The following MAP2K6 variants were observed in gnomAD, a reference collection of about 807,000 sequenced individuals.
The protein encoded by MAP2K6 is mitogen-activated protein kinase kinase 6, also known as dual specificity mitogen-activated protein kinase kinase 6.
In MAP2K6, 16 loss-of-function variants were observed where a neutral mutation model predicts 53.7. The ratio of observed to expected loss-of-function variants is 0.30; its 90% CI spans 0.20 to 0.45. The LOEUF is 0.45. Among genes scored for constraint, MAP2K6 ranks in the 20% least tolerant of loss-of-function variants. The pLI, the probability that MAP2K6 is intolerant of heterozygous loss-of-function variation, is 1.00. For synonymous variants in MAP2K6, 132 were observed against 143.1 expected, an observed-to-expected ratio of 0.92 and a Z score of 0.55; for missense variants, 204 against 411.9, an observed-to-expected ratio of 0.50 and a Z score of 4.37.
At chr17:69,492,443 C>T (rs1175465590) in intron 1 of MAP2K6, among the ~76,000 whole-genome samples, 1 of 152,118 alleles carries the variant, frequency 6.6e-6, no homozygotes, top group Non-Finnish European at 1.5e-5. Flanking sequence ...TCCACTTTGT[C>T]GAAGATCAGA....
In MAP2K6 at chr17:69,548,972, TGTA is replaced by T. The variant is rs1911989884; in HGVS notation, c.*7224_*7226del. ...AGCAGAAACATAAAGTAAAAAATTTTGTAGTAGGGAATTTTTGTTGGTAAGAAA... is the reference window on the plus strand; with the variant it reads ...AGCAGAAACATAAAGTAAAAAATTTTGTAGGGAATTTTTGTTGGTAAGAAA... On this transcript the variant is annotated 3_prime_UTR_variant, in exon 12 of 12. Coordinates refer to ENST00000590474, the MANE Select transcript of MAP2K6 (RefSeq NM_002758.4). 1 of 152,164 alleles carries T rather than the reference TGTA, an allele frequency of 6.6e-6. No individual in the cohort carries two copies. The highest frequency in any genetic ancestry group is 2.4e-5 in the African/African-American group (1 of 41,440). The allele number at this position is 152,164 out of a possible 1,614,324, so 9.4% of individuals were successfully genotyped here. A position where few individuals can be genotyped will look rare whatever the true frequency, so the allele number is the denominator to read the frequency against.
intron 1 of MAP2K6, 57 bp from the exon 2 acceptor site, chr17:69,505,723 C>A: frequency 7.2e-7 from 1 of 1,397,434 alleles, no homozygotes; most frequent in Non-Finnish European, 1.0e-6. Context: ...CAGTCTCTTT[C>A]TCTGCTATCT....
At chr17:69,538,420 A>G (rs1255064539) in intron 11 of MAP2K6, among the ~76,000 whole-genome samples, 2 of 152,170 alleles carry the variant, frequency 1.3e-5, no homozygotes, top group African/African-American at 4.8e-5. Context: ...TTTTCTTCTT[A>G]CAGCATTAGT....
intron 1 of MAP2K6, among the ~76,000 whole-genome samples, chr17:69,487,239 C>T (rs1908575273): frequency 6.6e-6 from 1 of 152,138 alleles, no homozygotes; most frequent in African/African-American, 2.4e-5. Context: ...GTAATTTCAG[C>T]TGAAGGACTA....
At chr17:69,470,234 A>G (rs1907943208) in intron 1 of MAP2K6, among the ~76,000 whole-genome samples, 1 of 152,196 alleles carries the variant, frequency 6.6e-6, no homozygotes, top group African/African-American at 2.4e-5. Flanking sequence ...GAAACAATGT[A>G]GTGTGTAGAC....
intron 1 of MAP2K6, among the ~76,000 whole-genome samples, chr17:69,441,276 T>A (rs910210016): frequency 2.6e-5 from 4 of 152,216 alleles, no homozygotes; most frequent in African/African-American, 7.2e-5. Context: ...AAATGTTATA[T>A]CTGTTGTTAT....
At chr17:69,424,791 T>C (rs1906214328) in intron 1 of MAP2K6, among the ~76,000 whole-genome samples, 1 of 152,220 alleles carries the variant, frequency 6.6e-6, no homozygotes, top group East Asian at 1.9e-4. Flanking sequence ...TGTCCCTTTA[T>C]ATGTCTTTTG....
chr17:69,480,788 A>T (rs1548441), intron 1 of MAP2K6, among the ~76,000 whole-genome samples: 77,122 of 151,646 alleles, frequency 0.51, 20,701 homozygotes, highest in African/African-American at 0.68. Context: ...AAAGTTTTTT[A>T]AAAAATTTTA....
intron 1 of MAP2K6, chr17:69,502,294 T>G (rs950630024): frequency 4.1e-6 from 4 of 985,308 alleles, no homozygotes; most frequent in Non-Finnish European, 4.8e-6. Context: ...GTGTGGTCTT[T>G]GGAGCTAAGT....
intron 7 of MAP2K6, chr17:69,521,815 A>AAC (rs1910491500): frequency 2.1e-5 from 3 of 143,890 alleles, no homozygotes; most frequent in African/African-American, 8.1e-5. Flanking sequence ...ACAAAAAAAA[A>AAC]AAAAAAAAAA....
At position 69,545,558 on chromosome 17, in the gene MAP2K6, C is replaced by G. The variant is rs1236181236; in HGVS notation, c.*3805C>G. 6.6e-6 allele frequency: 1 copy of G among 152,160 alleles called. No individual in the cohort carries two copies. The highest frequency in any genetic ancestry group is 2.4e-5 in the African/African-American group (1 of 41,434). The allele number at this position is 152,160 out of a possible 1,614,324, so 9.4% of individuals were successfully genotyped here. On this transcript the variant is annotated 3_prime_UTR_variant, in exon 12 of 12. Transcript: ENST00000590474. ...AAAAAATTGTATGTGCCAGAGATTC[C>G]TAAACTTTCTGTGTTCAGGGTGCCA...
chr17:69,551,955 A>C lies in MAP2K6; in HGVS notation c.*10202A>C, dbSNP rs1244819026. 1 of 152,226 alleles carries C rather than the reference A, an allele frequency of 6.6e-6. No homozygotes were observed. The highest frequency in any genetic ancestry group is 6.5e-5 in the Admixed American group (1 of 15,282). The allele number at this position is 152,226 out of a possible 1,614,324, so 9.4% of individuals were successfully genotyped here. A position where few individuals can be genotyped will look rare whatever the true frequency, so the allele number is the denominator to read the frequency against. On this transcript the variant is annotated 3_prime_UTR_variant, in exon 12 of 12. Coordinates refer to ENST00000590474, the MANE Select transcript of MAP2K6 (RefSeq NM_002758.4). ...TTTCTTTATGGAATTGAACTTTACA[A>C]GAATTTTAATAAAAGAGGTGGATTT...
intron 5 of MAP2K6, chr17:69,519,779 G>A: frequency 4.0e-6 from 1 of 247,932 alleles, no homozygotes; most frequent in South Asian, 6.0e-5. Context: ...GCTTCATCTA[G>A]CCTACTTGTG....
intron 10 of MAP2K6, among the ~76,000 whole-genome samples, chr17:69,534,847 G>A (rs1313903683): frequency 6.6e-6 from 1 of 151,956 alleles, no homozygotes; most frequent in South Asian, 2.1e-4. Context: ...ATGATTTTGT[G>A]GTCCGTTGGG....
chr17:69,522,546 G>A (rs1910533016), intron 7 of MAP2K6, among the ~76,000 whole-genome samples: 1 of 152,012 alleles, frequency 6.6e-6, no homozygotes. Flanking sequence ...AAAATTAGCT[G>A]TAATTTCAAA....
At chr17:69,511,074 A>G (rs375458088) in intron 2 of MAP2K6, among the ~76,000 whole-genome samples, 2 of 152,116 alleles carry the variant, frequency 1.3e-5, no homozygotes, top group Admixed American at 1.3e-4. Flanking sequence ...CATAAATTAT[A>G]TGTTAATTTT....
intron 1 of MAP2K6, among the ~76,000 whole-genome samples, chr17:69,466,303 GAAAAGAAA>G (rs1907805950): frequency 6.8e-6 from 1 of 147,208 alleles, no homozygotes; most frequent in African/African-American, 2.5e-5. Flanking sequence ...AAAAAAAAAA[GAAAAGAAA>G]AAAAGAAATA....
rs977530847 is a variant in MAP2K6, at chr17:69,546,683, A to C, written c.*4930A>C. On this transcript the variant is annotated 3_prime_UTR_variant, in exon 12 of 12. Coordinates refer to ENST00000590474, the MANE Select transcript of MAP2K6 (RefSeq NM_002758.4). ...TTTATATATTTACAAAATTTATTGG[A>C]GCTGGTAGTCAGATCTAGTAAAATG... The C allele has an allele frequency of 6.6e-6, 1 of 152,108 alleles. No homozygotes were observed. The highest frequency in any genetic ancestry group is 2.4e-5 in the African/African-American group (1 of 41,418). The allele number at this position is 152,108 out of a possible 1,614,324, so 9.4% of individuals were successfully genotyped here. A position where few individuals can be genotyped will look rare whatever the true frequency, so the allele number is the denominator to read the frequency against.
At chr17:69,437,961 A>G (rs953583204) in intron 1 of MAP2K6, among the ~76,000 whole-genome samples, 1 of 152,264 alleles carries the variant, frequency 6.6e-6, no homozygotes, top group Non-Finnish European at 1.5e-5. Flanking sequence ...GCTTTACCAC[A>G]TTCTTCTCTT....
Sources: gnomAD v4.1 joint callset for allele counts (sites outside exome capture counted in the v4.1 genomes callset) on GRCh38, gnomAD v4.1.1 for gene constraint, MANE v1.5 for transcripts, NCBI Gene and HGNC (gene_info 2026-07-23, HGNC 2026-07-21) for gene names.